Variants in DPP6 observed in about 807,000 individuals in gnomAD.
DPP6 encodes A-type potassium channel modulatory protein DPP6.
DPP6 carries 69 observed loss-of-function variants against 122.6 expected under a neutral mutation model. The ratio of observed to expected loss-of-function variants is 0.56; its 90% CI spans 0.46 to 0.69. The LOEUF (loss-of-function observed/expected upper bound fraction) is 0.69, where lower values mean the gene tolerates loss of function less well. Ranked by LOEUF, DPP6 falls within the 30% of genes least tolerant of loss-of-function variation. The pLI, the probability that DPP6 is intolerant of heterozygous loss-of-function variation, is 0.00. For synonymous variants in DPP6, 418 were observed against 433.1 expected (o/e 0.97, Z 0.43); for missense variants, 928 against 1,116.9 (o/e 0.83, Z 2.41).
chr7:153,964,813 TTTCC>T lies in DPP6; in HGVS notation c.51+77082_51+77085del, dbSNP rs768854635. 4.5e-3 allele frequency among the ~76,000 whole-genome samples: 254 copies of T among 55,888 alleles called. 22 individuals are homozygous for T. The highest frequency in any genetic ancestry group is 0.033 in the East Asian group (16 of 490). 36.7% of individuals were successfully genotyped at this position (55,888 alleles called of 152,430 possible). On this transcript the variant is annotated intron_variant, in intron 1 of 25. Transcript: ENST00000404039. ...TTTCCTTTCCTTTCCTTTCCTTTCC[TTTCC>T]TTTCCTTTCCTTTTCCTTTTCCTTT...
chr7:153,820,787 G>T, the DPP6 span, among the ~76,000 whole-genome samples: 1 of 151,866 alleles, frequency 6.6e-6, no homozygotes, highest in South Asian at 2.1e-4. Flanking sequence ...ATGTCAATTT[G>T]AAAAGATGAT....
At chr7:153,988,332 A>G (rs535532812) in intron 1 of DPP6, among the ~76,000 whole-genome samples, 20 of 151,940 alleles carry the variant, frequency 1.3e-4, no homozygotes. Context: ...GGCAATGGCC[A>G]GGATGGCCCT....
At chr7:154,589,720 T>C (rs1832689589) in intron 5 of DPP6, among the ~76,000 whole-genome samples, 1 of 152,200 alleles carries the variant, frequency 6.6e-6, no homozygotes, top group African/African-American at 2.4e-5. Context: ...TCTAAAGCAA[T>C]GCTGAATATT....
chr7:154,537,070 C>T (rs1485777677), intron 3 of DPP6, among the ~76,000 whole-genome samples: 1 of 151,978 alleles, frequency 6.6e-6, no homozygotes, highest in African/African-American at 2.4e-5. Flanking sequence ...AACATTTTTA[C>T]TATATTAATA....
intron 1 of DPP6, among the ~76,000 whole-genome samples, chr7:153,893,611 C>T (rs1467888628): frequency 6.6e-6 from 1 of 152,192 alleles, no homozygotes. Flanking sequence ...CCACTTTCAG[C>T]TACAAATGGA....
chr7:154,464,783 T>C (rs1338494110), intron 2 of DPP6, among the ~76,000 whole-genome samples: 1 of 152,214 alleles, frequency 6.6e-6, no homozygotes, highest in Non-Finnish European at 1.5e-5. Flanking sequence ...AAACTGTCCT[T>C]GTTACAGACA....
At chr7:154,366,483 C>A (rs1812201070) in intron 1 of DPP6, among the ~76,000 whole-genome samples, 1 of 152,196 alleles carries the variant, frequency 6.6e-6, no homozygotes, top group African/African-American at 2.4e-5. Flanking sequence ...TCAGCTTCCG[C>A]TGCACGGGAA....
intron 3 of DPP6, among the ~76,000 whole-genome samples, chr7:154,515,244 C>A (rs1262389806): frequency 6.6e-6 from 1 of 152,164 alleles, no homozygotes; most frequent in East Asian, 1.9e-4. Flanking sequence ...TTTGGGGACT[C>A]TGGCGTGGCA....
intron 1 of DPP6, among the ~76,000 whole-genome samples, chr7:153,917,672 C>T (rs1193706015): frequency 6.6e-6 from 1 of 152,182 alleles, no homozygotes; most frequent in Admixed American, 6.5e-5. Context: ...TTTACAGCAC[C>T]TTCTCGAAGA....
chr7:153,877,104 T>C, the DPP6 span, among the ~76,000 whole-genome samples: 6 of 152,008 alleles, frequency 3.9e-5, no homozygotes, highest in Non-Finnish European at 7.4e-5. Context: ...ACTAAATTTG[T>C]AAAAACAAAA....
At chr7:154,804,232 G>A (rs929380304) in intron 14 of DPP6, among the ~76,000 whole-genome samples, 2 of 152,214 alleles carry the variant, frequency 1.3e-5, no homozygotes, top group African/African-American at 4.8e-5. Context: ...TAGTACTGAT[G>A]TTGATTGAGT....
chr7:153,799,825 A>G, the DPP6 span, among the ~76,000 whole-genome samples: 1 of 152,364 alleles, frequency 6.6e-6, no homozygotes, highest in African/African-American at 2.4e-5. Context: ...TTATTAATAC[A>G]ATTTTACCAT....
chr7:154,460,102 C>T (rs1298056019), intron 2 of DPP6, among the ~76,000 whole-genome samples: 1 of 150,254 alleles, frequency 6.7e-6, no homozygotes, highest in African/African-American at 2.4e-5. Context: ...CTGCCTCAGC[C>T]TCCCAGGTAG....
chr7:154,751,267 A>T (rs1396212877), intron 8 of DPP6, among the ~76,000 whole-genome samples: 1 of 152,088 alleles, frequency 6.6e-6, no homozygotes, highest in Non-Finnish European at 1.5e-5. Context: ...TCACCTACTA[A>T]GCCCAAAGAT....
chr7:154,269,193 A>C (rs1803632980), intron 1 of DPP6, among the ~76,000 whole-genome samples: 1 of 152,106 alleles, frequency 6.6e-6, no homozygotes, highest in South Asian at 2.1e-4. Context: ...CATTCTCTAT[A>C]AATGGGGAAA....
chr7:153,786,315 G>T, the DPP6 span, among the ~76,000 whole-genome samples: 1 of 149,148 alleles, frequency 6.7e-6, no homozygotes, highest in South Asian at 2.2e-4. Flanking sequence ...GTAAGTAAAT[G>T]AGGGATTGCA....
intron 1 of DPP6, among the ~76,000 whole-genome samples, chr7:154,338,393 C>T (rs1044548091): frequency 2.6e-5 from 4 of 152,004 alleles, no homozygotes; most frequent in Admixed American, 6.6e-5. Flanking sequence ...AGAAAAGAAA[C>T]GATCTCAGGA....
the DPP6 span, among the ~76,000 whole-genome samples, chr7:153,766,878 C>T: frequency 6.6e-6 from 1 of 152,088 alleles, no homozygotes; most frequent in Non-Finnish European, 1.5e-5. Flanking sequence ...AATGAAACGT[C>T]TTCTTCTCTT....
chr7:154,655,054 G>A (rs924413548), intron 6 of DPP6, among the ~76,000 whole-genome samples: 8 of 152,086 alleles, frequency 5.3e-5, no homozygotes, highest in African/African-American at 1.9e-4. Flanking sequence ...TTCTCTTTTA[G>A]AACTGGGAGT....
Sources: gnomAD v4.1 joint callset for allele counts (sites outside exome capture counted in the v4.1 genomes callset) on GRCh38, gnomAD v4.1.1 for gene constraint, MANE v1.5 for transcripts, NCBI Gene and HGNC (gene_info 2026-07-23, HGNC 2026-07-21) for gene names.